The following ADGB variants were observed in gnomAD, a reference collection of about 807,000 sequenced individuals.
ADGB encodes the protein androglobin, also known as calpain-7-like protein.
In ADGB, 172 loss-of-function variants were observed where a neutral mutation model predicts 210.5. The ratio of observed to expected loss-of-function variants is 0.82; its 90% CI spans 0.72 to 0.93. ADGB has a LOEUF of 0.93. ADGB is among the 40% of genes least tolerant of loss of function. The probability of loss-of-function intolerance (pLI) is 0.00; values close to 1 mark genes in which losing one functional copy is unlikely to be tolerated. For synonymous variants in ADGB, 658 were observed against 662.7 expected, an observed-to-expected ratio of 0.99 and a Z score of 0.11; for missense variants, 2,025 against 1,964.8, an observed-to-expected ratio of 1.03 and a Z score of -0.58.
chr6:146,672,434 A>G lies in ADGB; in HGVS notation c.1054A>G (p.Lys352Glu). The change falls in exon 8 of 36, where the codon AAG becomes GAG. Residue 352 changes from lysine (K) to glutamate (E), a missense_variant. Lys to Glu is a moderately conservative substitution (Grantham distance 56). Coordinates refer to ENST00000397944, the MANE Select transcript of ADGB (RefSeq NM_024694.4). ...FKPESSLTTLKAPEKSDKVPK... is the reference protein window; with the variant it reads ...FKPESSLTTLEAPEKSDKVPK... ...ACCTGAAAGTTCTTTGACAACACTA[A>G]AGGCTCCTGAGAAAAGCGACAAAGT... 4 of 1,548,630 alleles carry G rather than the reference A, an allele frequency of 2.6e-6. No individual in the cohort carries two copies. Among genetic ancestry groups the G allele is most frequent in the Non-Finnish European group, 3.5e-6 (4 of 1,146,132 alleles).
intron 35 of ADGB, among the ~76,000 whole-genome samples, chr6:146,813,800 A>G (rs963305464): frequency 1.1e-4 from 17 of 152,216 alleles, no homozygotes; most frequent in African/African-American, 4.1e-4. Context: ...TGCAGCAGAT[A>G]GTATTTTATC....
At chr6:146,650,711 C>T (rs1775689230) in intron 3 of ADGB, among the ~76,000 whole-genome samples, 1 of 147,706 alleles carries the variant, frequency 6.8e-6, no homozygotes, top group African/African-American at 2.5e-5. Flanking sequence ...TTCTGACAAT[C>T]CGATGGACCT....
intron 5 of ADGB, among the ~76,000 whole-genome samples, chr6:146,661,810 T>C (rs940721623): frequency 6.6e-6 from 1 of 152,164 alleles, no homozygotes; most frequent in African/African-American, 2.4e-5. Context: ...AATTATCTTA[T>C]CTTTCCTTTA....
chr6:146,643,151 G>A (rs148452645), intron 2 of ADGB, among the ~76,000 whole-genome samples: 2 of 151,706 alleles, frequency 1.3e-5, no homozygotes, highest in East Asian at 3.9e-4. Context: ...TCGATGACTC[G>A]CTTTTTGAGA....
At chr6:146,643,814 CA>C (rs1775555837) in intron 2 of ADGB, among the ~76,000 whole-genome samples, 1 of 151,756 alleles carries the variant, frequency 6.6e-6, no homozygotes, top group East Asian at 1.9e-4. Flanking sequence ...TACTACACAG[CA>C]ATAAACAAGA....
intron 16 of ADGB, among the ~76,000 whole-genome samples, chr6:146,719,390 T>A (rs1776783858): frequency 3.3e-5 from 5 of 152,162 alleles, no homozygotes; most frequent in Admixed American, 3.3e-4. Flanking sequence ...CTTTTAAAAG[T>A]CTCAGCTTGG....
chr6:146,674,939 A>T (rs2114905926), intron 8 of ADGB, among the ~76,000 whole-genome samples: 1 of 152,280 alleles, frequency 6.6e-6, no homozygotes, highest in Non-Finnish European at 1.5e-5. Context: ...GAAGTTTGAA[A>T]GCTCTTAAAG....
chr6:146,807,786 A>T (rs1446742291), intron 35 of ADGB: 1 of 406,256 alleles, frequency 2.5e-6, no homozygotes, highest in African/African-American at 2.1e-5. Context: ...TCTAATTTCA[A>T]TAAAATAGCT....
chr6:146,615,722 T>C (rs1780789902), intron 1 of ADGB, among the ~76,000 whole-genome samples: 1 of 152,210 alleles, frequency 6.6e-6, no homozygotes, highest in Non-Finnish European at 1.5e-5. Context: ...TTTCACTTTA[T>C]ATAATGTCCT....
intron 33 of ADGB, 46 bp downstream of exon 33, chr6:146,788,656 A>T (rs1290486585): frequency 6.7e-7 from 1 of 1,500,418 alleles, no homozygotes; most frequent in Admixed American, 2.0e-5. Context: ...TTTTCAAATA[A>T]AAATTATGGA....
chr6:146,741,237 A>C lies in ADGB; in HGVS notation c.3143A>C (p.Gln1048Pro). Residue 1048 changes from glutamine (Q) to proline (P), a missense_variant, in exon 25 of 36, where the codon CAA (glutamine) becomes CCA (proline). Gln to Pro is a moderately conservative substitution (Grantham distance 76). Transcript: ENST00000397944. ...ATGGAGCAAGTGCCAAAGGTGTTCC[A>C]AAAAGTGGTGCCTTATCTTTATACC... The part of the protein sequence containing the change: ...DTMEQVPKVF[Q>P]KVVPYLYTKN... 6.4e-7 allele frequency: 1 copy of C among 1,550,956 alleles called. No individual in the cohort carries two copies. Among genetic ancestry groups the C allele is most frequent in the Non-Finnish European group, 8.7e-7 (1 of 1,146,530 alleles).
chr6:146,626,586 A>G (rs1036994848), intron 1 of ADGB, among the ~76,000 whole-genome samples: 46 of 151,992 alleles, frequency 3.0e-4, no homozygotes, highest in African/African-American at 1.1e-3. Flanking sequence ...TTCTTTAAAG[A>G]TGTTGCCCAT....
At chr6:146,805,724 C>T (rs113548174) in intron 35 of ADGB, among the ~76,000 whole-genome samples, 5,230 of 152,178 alleles carry the variant, frequency 0.034, 98 homozygotes, top group Middle Eastern at 0.13. Flanking sequence ...GTGAAACTTT[C>T]CTTTTATGAG....
intron 1 of ADGB, among the ~76,000 whole-genome samples, chr6:146,622,664 C>G (rs554113130): frequency 1.3e-5 from 2 of 152,120 alleles, no homozygotes; most frequent in East Asian, 3.9e-4. Context: ...TATTTTCTCT[C>G]AGTTTGTGGC....
At chr6:146,806,014 A>C (rs1420737592) in intron 35 of ADGB, among the ~76,000 whole-genome samples, 1 of 151,818 alleles carries the variant, frequency 6.6e-6, no homozygotes, top group East Asian at 1.9e-4. Flanking sequence ...TCTGTTTTGC[A>C]AAAGTTTGTT....
At chr6:146,699,987 T>A (rs527574818) in intron 12 of ADGB, among the ~76,000 whole-genome samples, 1 of 152,350 alleles carries the variant, frequency 6.6e-6, no homozygotes, top group East Asian at 1.9e-4. Context: ...TGGATTCGAC[T>A]AATCTATTCA....
intron 10 of ADGB, among the ~76,000 whole-genome samples, chr6:146,689,973 C>T (rs941969628): frequency 1.3e-5 from 2 of 152,124 alleles, no homozygotes; most frequent in Non-Finnish European, 2.9e-5. Flanking sequence ...ACAGTTTCCT[C>T]CATTTCTTAA....
chr6:146,721,351 A>G, intron 16 of ADGB, 52 bp from the exon 17 acceptor site: 2 of 1,146,686 alleles, frequency 1.7e-6, no homozygotes, highest in Non-Finnish European at 2.6e-6. Flanking sequence ...AAGTGAAATA[A>G]TAGCATTGAT....
intron 26 of ADGB, among the ~76,000 whole-genome samples, 194 bp downstream of exon 26, chr6:146,746,303 T>C (rs1341733507): frequency 6.6e-6 from 1 of 152,182 alleles, no homozygotes; most frequent in Non-Finnish European, 1.5e-5. Context: ...CTACATATAA[T>C]GGTAGTGAGA....
Sources: gnomAD v4.1 joint callset for allele counts (sites outside exome capture counted in the v4.1 genomes callset) on GRCh38, gnomAD v4.1.1 for gene constraint, MANE v1.5 for transcripts, NCBI Gene and HGNC (gene_info 2026-07-23, HGNC 2026-07-21) for gene names.